Variants in WNK2 observed in about 807,000 individuals in gnomAD.
WNK2 encodes WNK lysine deficient protein kinase 2.
Under a neutral mutation model 192.1 loss-of-function variants are expected in WNK2, and 67 were observed. That is an observed-to-expected ratio of 0.35 (90% CI 0.29 to 0.43). WNK2 has a LOEUF of 0.43. WNK2 is among the 20% of genes least tolerant of loss of function. The pLI is 1.00. For synonymous variants in WNK2, 1,439 were observed against 1,393.9 expected, an observed-to-expected ratio of 1.03 and a Z score of -0.72; for missense variants, 2,698 against 3,089.7, an observed-to-expected ratio of 0.87 and a Z score of 3.01.
intron 19 of WNK2, among the ~76,000 whole-genome samples, chr9:93,283,502 T>C (rs927874509): frequency 2.6e-5 from 4 of 152,250 alleles, no homozygotes; most frequent in Admixed American, 2.6e-4. Flanking sequence ...AAGACAAATA[T>C]AAGAATTTGA....
chr9:93,308,928 C>T (rs1464884629), intron 28 of WNK2: 8 of 1,139,294 alleles, frequency 7.0e-6, no homozygotes. Context: ...AGGCCCACCT[C>T]TGCCTGAGTT....
intron 9 of WNK2, among the ~76,000 whole-genome samples, chr9:93,255,810 T>C (rs1354692912): frequency 2.0e-5 from 3 of 152,226 alleles, no homozygotes; most frequent in Admixed American, 6.5e-5. Context: ...AATTCCTCAA[T>C]GGCAGCAAAT....
intron 4 of WNK2, among the ~76,000 whole-genome samples, chr9:93,234,235 G>T (rs1374424655): frequency 6.6e-6 from 1 of 152,098 alleles, no homozygotes; most frequent in Non-Finnish European, 1.5e-5. Flanking sequence ...CTGTCAGGTG[G>T]GTACCATTTT....
rs557230032 is a variant in WNK2, at chr9:93,286,324, T to C, written c.4034-2464T>C. 2.6e-5 allele frequency among the ~76,000 whole-genome samples: 4 copies of C among 152,174 alleles called. No homozygotes were observed. In the East Asian group the frequency reaches 5.8e-4, roughly 22 times the overall value. ...GAACCACAAATTAAAAAGAAAAGAA[T>C]GACAGCTCTGTAGAAAAGCAGGCAA... On this transcript the variant is annotated intron_variant, in intron 19 of 29. Coordinates refer to ENST00000427277, the MANE Select transcript of WNK2 (RefSeq NM_006648.4).
intron 2 of WNK2, among the ~76,000 whole-genome samples, chr9:93,201,680 C>T (rs1471781530): frequency 6.6e-6 from 1 of 152,242 alleles, no homozygotes; most frequent in Non-Finnish European, 1.5e-5. Context: ...ATGTGCTTCC[C>T]AAGTGCCCAG....
rs533514626 is a variant in WNK2 at position 93,293,663 on chromosome 9, G to A, written c.5708+490G>A. On this transcript the variant is annotated intron_variant, in intron 23 of 29. Transcript: ENST00000427277. ...GACAGTCTCCCACTCAGAGTCCTCT[G>A]GGCTGGGCCGGCCCCCACCCTGCTG... Among the ~76,000 whole-genome samples the A allele has an allele frequency of 2.6e-5, 4 of 152,070 alleles. No individual in the cohort carries two copies. The East Asian group carries it at 5.8e-4, about 22-fold the overall frequency.
intron 26 of WNK2, among the ~76,000 whole-genome samples, chr9:93,303,388 C>A (rs374866340): frequency 6.6e-6 from 1 of 152,348 alleles, no homozygotes; most frequent in African/African-American, 2.4e-5. Flanking sequence ...GGGCCTTTCT[C>A]TCTGCACGCT....
chr9:93,186,642 C>G (rs1275950912), intron 2 of WNK2, among the ~76,000 whole-genome samples: 2 of 152,200 alleles, frequency 1.3e-5, no homozygotes, highest in Non-Finnish European at 2.9e-5. Context: ...GGCCACACTG[C>G]GGGACTCTTG....
At chr9:93,256,172 G>A in intron 9 of WNK2, 127 bp from the exon 10 acceptor site, 2 of 1,177,800 alleles carry the variant, frequency 1.7e-6, no homozygotes, top group Non-Finnish European at 2.2e-6. Flanking sequence ...CTGCTGTCAT[G>A]TTCCTGGGAA....
At chr9:93,292,107 A>G (rs928930048) in intron 21 of WNK2, among the ~76,000 whole-genome samples, 1 of 152,164 alleles carries the variant, frequency 6.6e-6, no homozygotes, top group Admixed American at 6.5e-5. Flanking sequence ...GACATCATGG[A>G]GTATTTTTAG....
At chr9:93,306,917 G>A (rs1852670598) in intron 27 of WNK2, 96 bp downstream of exon 27, 5 of 1,497,918 alleles carry the variant, frequency 3.3e-6, no homozygotes, top group Non-Finnish European at 4.7e-6. Context: ...GGCGGGCGTG[G>A]GCCTGCCCTG....
chr9:93,280,649 G>A (rs1847592946), intron 19 of WNK2, among the ~76,000 whole-genome samples: 1 of 152,276 alleles, frequency 6.6e-6, no homozygotes, highest in Admixed American at 6.5e-5. Context: ...GCTCATGAAT[G>A]CTTTTGTGTT....
intron 28 of WNK2, among the ~76,000 whole-genome samples, chr9:93,312,066 TGAA>T (rs1437345646): frequency 6.6e-6 from 1 of 152,244 alleles, no homozygotes; most frequent in Non-Finnish European, 1.5e-5. Context: ...ATGTCTTCCT[TGAA>T]GAAGTATTTA....
intron 2 of WNK2, among the ~76,000 whole-genome samples, chr9:93,190,290 G>A (rs750690567): frequency 9.9e-5 from 15 of 152,174 alleles, no homozygotes; most frequent in African/African-American, 9.7e-5. Context: ...TGTCAGCAGC[G>A]ATGACAGACA....
chr9:93,296,478 T>C (rs1309247743), intron 23 of WNK2, among the ~76,000 whole-genome samples: 5 of 21,152 alleles, frequency 2.4e-4, no homozygotes, highest in Non-Finnish European at 3.6e-4. Context: ...TCTTCATCCT[T>C]CCTTCTCCCT....
At chr9:93,238,201 C>G in intron 5 of WNK2, 32 bp from the exon 6 acceptor site, 2 of 1,607,518 alleles carry the variant, frequency 1.2e-6, no homozygotes, top group Non-Finnish European at 1.7e-6. Flanking sequence ...GGCAGCCGAT[C>G]GGGTCAGGTA....
intron 12 of WNK2, among the ~76,000 whole-genome samples, chr9:93,260,761 G>A (rs1844094543): frequency 6.6e-6 from 1 of 152,194 alleles, no homozygotes; most frequent in Non-Finnish European, 1.5e-5. Context: ...CCGTCCTGTG[G>A]CCCACCCGAG....
Position 93,307,002 on chromosome 9 carries a change from G to A in WNK2, c.6259+181G>A, listed in dbSNP as rs143657938. 1,528 of 717,210 alleles carry A rather than the reference G, an allele frequency of 2.1e-3. 31 individuals are homozygous for A. The East Asian group carries it at 0.031, about 14-fold the overall frequency. 44.4% of individuals were successfully genotyped at this position (717,210 alleles called of 1,614,324 possible). On this transcript the variant is annotated intron_variant, in intron 27 of 29. Coordinates refer to ENST00000427277, the MANE Select transcript of WNK2 (RefSeq NM_006648.4). ...TCTGCCTGGCGGGATCGCTGTCCTCGGCTCCCCCGTGTGTCTCGTGGCGCC... is the reference window on the plus strand; with the variant it reads ...TCTGCCTGGCGGGATCGCTGTCCTCAGCTCCCCCGTGTGTCTCGTGGCGCC...
chr9:93,229,600 G>T lies in WNK2; in HGVS notation c.682-96G>T. The T allele has an allele frequency of 7.1e-7, 1 of 1,400,158 alleles. No individual in the cohort carries two copies. Among genetic ancestry groups the T allele is most frequent in the Non-Finnish European group, 9.6e-7 (1 of 1,037,106 alleles). 86.7% of individuals were successfully genotyped at this position (1,400,158 alleles called of 1,614,324 possible). On this transcript the variant is annotated intron_variant, in intron 2 of 29. Coordinates refer to ENST00000427277, the MANE Select transcript of WNK2 (RefSeq NM_006648.4). This position sits in a 1 kb window ranked among gnomAD's most constrained non-coding sequence, Gnocchi z 4.9. ...TTAGCTGCCTGTGGGTATGGGAAGG[G>T]CTGGTCCTACTGTGTGGCGCTGCTG...
Sources: allele counts gnomAD v4.1 joint callset (sites outside exome capture counted in the v4.1 genomes callset), GRCh38; gene constraint gnomAD v4.1.1; non-coding constraint Gnocchi (gnomAD v3.1); transcripts MANE v1.5; gene names NCBI Gene and HGNC (gene_info 2026-07-23, HGNC 2026-07-21).